The following CORO1A variants were observed in gnomAD, a reference collection of about 807,000 sequenced individuals.
The protein encoded by CORO1A is coronin 1A.
Under a neutral mutation model 44.1 loss-of-function variants are expected in CORO1A, and 17 were observed. The observed-to-expected ratio is 0.39, with a 90% CI of 0.26 to 0.58. The LOEUF is 0.58. Among genes scored for constraint, CORO1A ranks in the 20% least tolerant of loss-of-function variants. CORO1A has a pLI of 0.62. For missense variants in CORO1A, 415 were observed against 606.5 expected (o/e 0.68, Z 3.32); for synonymous variants, 271 against 244.2 (o/e 1.11, Z -1.02).
At chr16:30,186,530 G>A in intron 2 of CORO1A, 68 bp from the exon 3 acceptor site, 1 of 1,593,426 alleles carries the variant, frequency 6.3e-7, no homozygotes, top group Non-Finnish European at 8.6e-7. Context: ...CCTCTCTGAA[G>A]GAGGTGTGGG....
At position 30,184,002 on chromosome 16, in the gene CORO1A, C is replaced by G. The variant is rs1375679336; in HGVS notation, c.-2+277C>G. ...TCAGCACAGTGTCGAGGGCCCGACT[C>G]CCCACGGAATTGAGTCTCGGGGAGG... On this transcript the variant is annotated intron_variant, in intron 1 of 10. Coordinates refer to ENST00000219150, the MANE Select transcript of CORO1A (RefSeq NM_007074.4). This position sits in a 1 kb window ranked among gnomAD's most constrained non-coding sequence, Gnocchi z 4.3. 1 of 150,948 alleles carries G rather than the reference C, an allele frequency of 6.6e-6. No individual in the cohort carries two copies. Among genetic ancestry groups the G allele is most frequent in the African/African-American group, 2.4e-5 (1 of 41,012 alleles). 9.4% of individuals were successfully genotyped at this position (150,948 alleles called of 1,614,324 possible). A position where few individuals can be genotyped will look rare whatever the true frequency, so the allele number is the denominator to read the frequency against.
In CORO1A at chr16:30,186,672, G is replaced by A. The variant is rs141844867; in HGVS notation, c.273G>A (p.Pro91=). ...TAPVLDIAWC[P]HNDNVIASGS... ...CTGTGCTAGACATCGCCTGGTGCCC[G>A]CACAATGACAACGTCATTGCCAGTG... Residue 91 remains proline (P), a synonymous_variant, in exon 3 of 11, where the codon CCG becomes CCA. Transcript: ENST00000219150. 33 of 1,612,574 alleles carry A rather than the reference G, an allele frequency of 2.0e-5. No homozygotes were observed. Among genetic ancestry groups the A allele is most frequent in the South Asian group, 1.1e-4 (10 of 90,958 alleles).
rs762584647 is a variant in CORO1A, at chr16:30,186,929, C to T, written c.435C>T (p.Asn145=). 14 of 1,612,728 alleles carry T rather than the reference C, an allele frequency of 8.7e-6. No homozygotes were observed. The highest frequency in any genetic ancestry group is 3.3e-5 in the Admixed American group (2 of 60,002). The part of the protein sequence containing the change: ...GIVAWHTTAQ[N]VLLSAGCDNV... ...TGGCCTGGCACACCACAGCCCAGAA[C>T]GTGCTGCTCAGTGCAGGTGCTGCGG... Residue 145 remains asparagine, a synonymous_variant, in exon 4 of 11, where the codon AAC becomes AAT. Coordinates refer to ENST00000219150, the MANE Select transcript of CORO1A (RefSeq NM_007074.4).
chr16:30,184,593 T>C lies in CORO1A; in HGVS notation c.-1-616T>C, dbSNP rs78466713. On this transcript the variant is annotated intron_variant, in intron 1 of 10. Transcript: ENST00000219150. The surrounding 1 kb of genome is among the most constrained non-coding windows in gnomAD (Gnocchi z 4.3). The stretch of plus-strand genomic sequence containing the variant: ...TGGCTCTTAAGGGCACCTGCTTTTC[T>C]GAGCGGAGGCGAGAGGCAGAGGTAT... 2,532 of 169,340 alleles carry C rather than the reference T, an allele frequency of 0.015. 68 individuals are homozygous for C. The highest frequency in any genetic ancestry group is 0.057 in the African/African-American group (2,359 of 41,690). The allele number at this position is 169,340 out of a possible 1,614,324, so 10.5% of individuals were successfully genotyped here.
intron 5 of CORO1A, 70 bp from the exon 6 acceptor site, chr16:30,187,312 C>T (rs2073351693): frequency 2.5e-6 from 4 of 1,605,464 alleles, no homozygotes; most frequent in South Asian, 1.1e-5. Flanking sequence ...TGCCCTCCCT[C>T]GCCTCCACCT....
At chr16:30,185,002 C>A in intron 1 of CORO1A, 3 of 636,044 alleles carry the variant, frequency 4.7e-6, no homozygotes, top group Non-Finnish European at 2.8e-6. Flanking sequence ...GGCCTGGGGC[C>A]AGGGAGAAGG....
In CORO1A at chr16:30,187,390, C is replaced by T; in HGVS notation, c.645C>T (p.Asp215=). 3.1e-6 allele frequency: 5 copies of T among 1,610,906 alleles called. No individual in the cohort carries two copies. Among genetic ancestry groups the T allele is most frequent in the Non-Finnish European group, 4.2e-6 (5 of 1,180,000 alleles). ...CCTCCCTTTCCTTGCAGGAGAAGGACCGTCCCCACGAGGGGACCCGGCCCG... is the reference window on the plus strand; with the variant it reads ...CCTCCCTTTCCTTGCAGGAGAAGGATCGTCCCCACGAGGGGACCCGGCCCG... ...PRKGTVVAEK[D]RPHEGTRPVR... The change falls in exon 6 of 11, where the codon GAC becomes GAT. Residue 215 remains aspartate (D), a synonymous_variant. Coordinates refer to ENST00000219150, the MANE Select transcript of CORO1A (RefSeq NM_007074.4).
Position 30,184,803 on chromosome 16 carries a change from C to CGG in CORO1A, c.-1-406_-1-405insGG. The stretch of plus-strand genomic sequence containing the variant: ...TGTGTGGGTGTGAGGGAGGTGGGCT[C>CGG]TGGACACGGTAACTAAGAGAGAACC... On this transcript the variant is annotated intron_variant, in intron 1 of 10. Coordinates refer to ENST00000219150, the MANE Select transcript of CORO1A (RefSeq NM_007074.4). The surrounding 1 kb of genome is among the most constrained non-coding windows in gnomAD (Gnocchi z 4.3). 1 of 325,716 alleles carries CGG rather than the reference C, an allele frequency of 3.1e-6. No homozygotes were observed. 20.2% of individuals were successfully genotyped at this position (325,716 alleles called of 1,614,324 possible). A position where few individuals can be genotyped will look rare whatever the true frequency, so the allele number is the denominator to read the frequency against.
Position 30,188,510 on chromosome 16 carries a change from G to A in CORO1A, c.1215G>A (p.Arg405=). ...GYVPPKSREL[R]VNRGLDTGRR... ...TACCCCCAAAGAGCCGGGAGCTGAG[G>A]GTCAACCGGGGCCTGGACACCGGGC... Residue 405 remains arginine (R), a synonymous_variant, in exon 10 of 11, where the codon AGG becomes AGA. Transcript: ENST00000219150. The A allele has an allele frequency of 1.2e-6, 2 of 1,613,006 alleles. No homozygotes were observed. Among genetic ancestry groups the A allele is most frequent in the Non-Finnish European group, 1.7e-6 (2 of 1,179,940 alleles).
Position 30,188,638 on chromosome 16 carries a change from G to A in CORO1A, c.1281+62G>A, listed in dbSNP as rs1390567341. 5 of 1,236,032 alleles carry A rather than the reference G, an allele frequency of 4.0e-6. No homozygotes were observed. The African/African-American group carries it at 6.1e-5, about 15-fold the overall frequency. The allele number at this position is 1,236,032 out of a possible 1,614,324, so 76.6% of individuals were successfully genotyped here. ...GGGTGGGGTGGGGCTGGTGTTTGGG[G>A]CACCTCAAACTCACAACATTGGGAA... On this transcript the variant is annotated intron_variant, in intron 10 of 10. Transcript: ENST00000219150.
Position 30,186,863 on chromosome 16 carries a change from C to G in CORO1A, c.369C>G (p.Pro123=). The G allele has an allele frequency of 6.2e-7, 1 of 1,611,954 alleles. No individual in the cohort carries two copies. The highest frequency in any genetic ancestry group is 8.5e-7 in the Non-Finnish European group (1 of 1,179,984). The change falls in exon 4 of 11, where the codon CCC becomes CCG. Residue 123 remains proline (P), a synonymous_variant. Coordinates refer to ENST00000219150, the MANE Select transcript of CORO1A (RefSeq NM_007074.4). ...GCCTGATGCTGCCCCTGCGGGAGCC[C>G]GTCGTCACCCTGGAGGGCCACACCA... The part of the protein sequence containing the change: ...DGGLMLPLRE[P]VVTLEGHTKR...
chr16:30,185,176 AG>A, intron 1 of CORO1A, 32 bp from the exon 2 acceptor site: 3 of 1,609,478 alleles, frequency 1.9e-6, no homozygotes, highest in Non-Finnish European at 2.6e-6. Context: ...GTTGACCTGA[AG>A]GGAGAAATGC....
chr16:30,188,792 G>C (rs1305717535), intron 10 of CORO1A, 68 bp from the exon 11 acceptor site: 1 of 506,488 alleles, frequency 2.0e-6, no homozygotes, highest in Non-Finnish European at 3.4e-6. Context: ...CTAGGGATGG[G>C]GCTCAGCAGA....
intron 2 of CORO1A, chr16:30,185,666 G>T (rs1007520522): frequency 1.6e-5 from 9 of 549,152 alleles, no homozygotes; most frequent in African/African-American, 1.5e-4. Flanking sequence ...CCCATGATCA[G>T]CCCTCCTGAG....
rs749535698 is a variant in CORO1A at position 30,186,990 on chromosome 16, GGAT to G, written c.452-46_452-44del. Reference sequence around the variant, plus strand: ...TTGGGGGTGGCTCGTGGCCTGCAGTGGATGAGGGCAGGAGGCTCATGGCTTCTG... The same window carrying G: ...TTGGGGGTGGCTCGTGGCCTGCAGTGGAGGGCAGGAGGCTCATGGCTTCTG... On this transcript the variant is annotated intron_variant, in intron 4 of 10. Coordinates refer to ENST00000219150, the MANE Select transcript of CORO1A (RefSeq NM_007074.4). 1.9e-6 allele frequency: 3 copies of G among 1,613,076 alleles called. No individual in the cohort carries two copies. In the East Asian group the frequency reaches 6.7e-5, roughly 36 times the overall value.
At position 30,188,444 on chromosome 16, in the gene CORO1A, G is replaced by A. The variant is rs1405713487; in HGVS notation, c.1149G>A (p.Arg383=). The A allele has an allele frequency of 6.2e-7, 1 of 1,613,340 alleles. No individual in the cohort carries two copies. Among genetic ancestry groups the A allele is most frequent in the Non-Finnish European group, 8.5e-7 (1 of 1,180,004 alleles). Residue 383 remains arginine (R), a synonymous_variant, in exon 10 of 11, where the codon CGG becomes CGA. Coordinates refer to ENST00000219150, the MANE Select transcript of CORO1A (RefSeq NM_007074.4). ...ALTAEEWLGG[R]DAGPLLISLK... ...CGGCTGAGGAGTGGCTGGGGGGTCG[G>A]GATGCTGGGCCCCTCCTCATCTCCC...
At position 30,186,661 on chromosome 16, in the gene CORO1A, G is replaced by A. The variant is rs1206571227; in HGVS notation, c.262G>A (p.Ala88Thr). 10 of 1,613,128 alleles carry A rather than the reference G, an allele frequency of 6.2e-6. No homozygotes were observed. The highest frequency in any genetic ancestry group is 5.5e-5 in the South Asian group (5 of 91,042). ...CCACACAGCCCCTGTGCTAGACATC[G>A]CCTGGTGCCCGCACAATGACAACGT... Reference protein sequence around the residue: ...CGHTAPVLDIAWCPHNDNVIA... With the variant: ...CGHTAPVLDITWCPHNDNVIA... Residue 88 changes from alanine (A) to threonine (T), a missense_variant, in exon 3 of 11, where the codon GCC becomes ACC. Coordinates refer to ENST00000219150, the MANE Select transcript of CORO1A (RefSeq NM_007074.4).
At position 30,188,174 on chromosome 16, in the gene CORO1A, A is replaced by G; in HGVS notation, c.1008-18A>G. 1 of 1,613,746 alleles carries G rather than the reference A, an allele frequency of 6.2e-7. No homozygotes were observed. The highest frequency in any genetic ancestry group is 8.5e-7 in the Non-Finnish European group (1 of 1,179,916). On this transcript the variant is annotated intron_variant, in intron 8 of 10. Transcript: ENST00000219150. ...CCCAACCAGACTGTGGGCCCCGCTC[A>G]CCTTCCCCTTCCCACAGGTTCTACA... is the stretch of plus-strand genomic sequence containing the variant.
intron 7 of CORO1A, 23 bp downstream of exon 7, chr16:30,187,852 G>A (rs777900392): frequency 7.0e-7 from 1 of 1,425,582 alleles, no homozygotes. Context: ...GGCGGGGTGG[G>A]GGTGGGAGGT....
Sources: allele counts gnomAD v4.1 joint callset, GRCh38; gene constraint gnomAD v4.1.1; non-coding constraint Gnocchi (gnomAD v3.1); transcripts MANE v1.5; gene names NCBI Gene and HGNC (gene_info 2026-07-23, HGNC 2026-07-21).